The following CFAP44 variants were observed in gnomAD, a reference collection of about 807,000 sequenced individuals.
CFAP44 encodes cilia- and flagella-associated protein 44.
CFAP44 carries 134 observed loss-of-function variants against 216.2 expected under a neutral mutation model. The ratio of observed to expected loss-of-function variants is 0.62; its 90% CI spans 0.54 to 0.72. CFAP44 has a LOEUF of 0.72. CFAP44 is among the 30% of genes least tolerant of loss of function. CFAP44 has a pLI of 0.00. For missense variants in CFAP44, 2,035 were observed against 2,182.1 expected, an observed-to-expected ratio of 0.93 and a Z score of 1.34; for synonymous variants, 700 against 727.6, an observed-to-expected ratio of 0.96 and a Z score of 0.61.
At chr3:113,403,316 T>G (rs1290778673) in intron 9 of CFAP44, among the ~76,000 whole-genome samples, 2 of 152,200 alleles carry the variant, frequency 1.3e-5, no homozygotes, top group Non-Finnish European at 2.9e-5. Flanking sequence ...GGGACTTAGA[T>G]GCTGGAGCAA....
intron 24 of CFAP44, among the ~76,000 whole-genome samples, chr3:113,337,041 G>T (rs372475616): frequency 6.6e-6 from 1 of 150,758 alleles, no homozygotes; most frequent in Non-Finnish European, 1.5e-5. Context: ...CAAATGACAT[G>T]GTTGTCTACA....
chr3:113,390,400 A>G (rs761702093), intron 15 of CFAP44, among the ~76,000 whole-genome samples: 2 of 152,110 alleles, frequency 1.3e-5, no homozygotes, highest in Non-Finnish European at 2.9e-5. Context: ...ATACTGAATG[A>G]AGAAATACAG....
chr3:113,430,037 T>G (rs1424217760), intron 2 of CFAP44, among the ~76,000 whole-genome samples: 2 of 152,106 alleles, frequency 1.3e-5, no homozygotes, highest in Non-Finnish European at 2.9e-5. Flanking sequence ...CAAGCATACA[T>G]GGGTCATTTA....
chr3:113,392,530 T>C (rs1330703155), intron 15 of CFAP44, among the ~76,000 whole-genome samples: 5 of 152,172 alleles, frequency 3.3e-5, no homozygotes, highest in East Asian at 1.9e-4. Context: ...TAATAACTTA[T>C]TGCACATGTC....
chr3:113,416,741 T>C lies in CFAP44; in HGVS notation c.571-114A>G, dbSNP rs148494467. Reference sequence around the variant, plus strand: ...CATAATTTATTAGGCTTTACTCTAATAGAAAACTCAAAAATGGGCATCAGA... The same window carrying C: ...CATAATTTATTAGGCTTTACTCTAACAGAAAACTCAAAAATGGGCATCAGA... On this transcript the variant is annotated intron_variant, in intron 5 of 34. Coordinates refer to ENST00000393845, the MANE Select transcript of CFAP44 (RefSeq NM_001164496.2). The C allele has an allele frequency of 1.9e-4, 136 of 708,258 alleles. No homozygotes were observed. In the African/African-American group the frequency reaches 2.2e-3, roughly 12 times the overall value. 43.9% of individuals were successfully genotyped at this position (708,258 alleles called of 1,614,324 possible). A position where few individuals can be genotyped will look rare whatever the true frequency, so the allele number is the denominator to read the frequency against.
chr3:113,426,612 C>T lies in CFAP44; in HGVS notation c.254-335G>A, dbSNP rs552799026. ...CATGCAGAACTGTGAGTCAAGTAAA[C>T]CTCTTTCCTTTATAAATTACCCAGT... On this transcript the variant is annotated intron_variant, in intron 3 of 34. Transcript: ENST00000393845. 5 of 228,596 alleles carry T rather than the reference C, an allele frequency of 2.2e-5. 1 individual carries two copies. In the South Asian group the frequency reaches 3.5e-4, roughly 16 times the overall value. 14.2% of individuals were successfully genotyped at this position (228,596 alleles called of 1,614,324 possible).
At chr3:113,416,695 A>G (rs1397609251) in intron 5 of CFAP44, 68 bp from the exon 6 acceptor site, 2 of 1,129,728 alleles carry the variant, frequency 1.8e-6, no homozygotes, top group Non-Finnish European at 2.5e-6. Flanking sequence ...TGATTAATGC[A>G]GTATTTAGCA....
At position 113,327,639 on chromosome 3, in the gene CFAP44, C is replaced by T; in HGVS notation, c.4297G>A (p.Asp1433Asn). 4.6e-6 allele frequency: 7 copies of T among 1,536,880 alleles called. No individual in the cohort carries two copies. Among genetic ancestry groups the T allele is most frequent in the Non-Finnish European group, 6.1e-6 (7 of 1,146,616 alleles). Residue 1433 changes from aspartate to asparagine, a missense_variant, in exon 27 of 35, where the codon GAC becomes AAC. Asp to Asn is a conservative substitution (Grantham distance 23). Transcript: ENST00000393845. Reference sequence around the variant, plus strand: ...ACTTGCATGTACTGTTCCTCTTTGTCTAAGGAATTAACACGTTCTTGAAGT... The same window carrying T: ...ACTTGCATGTACTGTTCCTCTTTGTTTAAGGAATTAACACGTTCTTGAAGT... ...NILQERVNSLDKEEQYMQWKI... is the reference protein window; with the variant it reads ...NILQERVNSLNKEEQYMQWKI...
Position 113,326,477 on chromosome 3 carries a change from C to T in CFAP44, c.4484G>A (p.Arg1495Gln), listed in dbSNP as rs1186141920. Residue 1495 changes from arginine (R) to glutamine (Q), a missense_variant, in exon 28 of 35, where the codon CGG becomes CAG. Arg to Gln is a conservative substitution (Grantham distance 43, BLOSUM62 1). Coordinates refer to ENST00000393845, the MANE Select transcript of CFAP44 (RefSeq NM_001164496.2). ...LMKVLKKKIK[R>Q]VKKKEVEGDA... ...TCCTTCAACTTCTTTTTTCTTTACC[C>T]GTTTAATCTTCTTCTTTAGGACCTT... The T allele has an allele frequency of 2.6e-6, 4 of 1,510,758 alleles. No individual in the cohort carries two copies. Among genetic ancestry groups the T allele is most frequent in the Non-Finnish European group, 2.6e-6 (3 of 1,138,516 alleles). The allele number at this position is 1,510,758 out of a possible 1,614,324, so 93.6% of individuals were successfully genotyped here.
intron 21 of CFAP44, chr3:113,362,872 T>C (rs1950554484): frequency 8.5e-7 from 1 of 1,180,024 alleles, no homozygotes; most frequent in African/African-American, 1.6e-5. Flanking sequence ...ACTCTTGGGT[T>C]CTACTTTATT....
intron 25 of CFAP44, among the ~76,000 whole-genome samples, chr3:113,333,140 T>C (rs948599198): frequency 3.9e-5 from 6 of 152,188 alleles, no homozygotes; most frequent in African/African-American, 1.4e-4. Context: ...TACCCATCTA[T>C]AACCCCCAGA....
intron 26 of CFAP44, among the ~76,000 whole-genome samples, chr3:113,328,140 TCTC>T (rs1487810271): frequency 6.6e-6 from 1 of 151,778 alleles, no homozygotes; most frequent in East Asian, 1.9e-4. Flanking sequence ...TTTCTATCTG[TCTC>T]CTCTTTATTC....
At chr3:113,373,965 G>T (rs1933255662) in intron 17 of CFAP44, among the ~76,000 whole-genome samples, 1 of 152,044 alleles carries the variant, frequency 6.6e-6, no homozygotes, top group South Asian at 2.1e-4. Context: ...TCCAGAAAGG[G>T]CTATTTCAGA....
chr3:113,311,312 T>C (rs568860508), intron 28 of CFAP44, among the ~76,000 whole-genome samples: 1 of 152,334 alleles, frequency 6.6e-6, no homozygotes, highest in Admixed American at 6.5e-5. Context: ...TCATCTTGAA[T>C]TGTACTCCAA....
intron 13 of CFAP44, among the ~76,000 whole-genome samples, chr3:113,398,186 G>T (rs1206721322): frequency 1.3e-5 from 2 of 152,178 alleles, no homozygotes; most frequent in East Asian, 3.8e-4. Context: ...AGGCATGGTT[G>T]TCACCATGAA....
intron 22 of CFAP44, among the ~76,000 whole-genome samples, chr3:113,348,955 C>T (rs1950415520): frequency 6.6e-6 from 1 of 152,108 alleles, no homozygotes; most frequent in South Asian, 2.1e-4. Flanking sequence ...TTGGAGATAC[C>T]TGGTATCTTA....
chr3:113,390,157 T>C (rs1378621316), intron 15 of CFAP44, among the ~76,000 whole-genome samples: 1 of 152,174 alleles, frequency 6.6e-6, no homozygotes, highest in African/African-American at 2.4e-5. Context: ...CATGGCCAAG[T>C]GGGAATTATC....
At chr3:113,300,524 G>A (rs1445068275) in intron 32 of CFAP44, among the ~76,000 whole-genome samples, 1 of 149,778 alleles carries the variant, frequency 6.7e-6, no homozygotes, top group Non-Finnish European at 1.5e-5. Context: ...AATAAAAATT[G>A]AAAACAAATT....
chr3:113,333,708 G>T, intron 24 of CFAP44, 125 bp from the exon 25 acceptor site: 1 of 1,130,168 alleles, frequency 8.8e-7, no homozygotes, highest in Non-Finnish European at 1.2e-6. Flanking sequence ...AATCTGTGAT[G>T]CCACTTTTGT....
Sources: gnomAD v4.1 joint callset for allele counts (sites outside exome capture counted in the v4.1 genomes callset) on GRCh38, gnomAD v4.1.1 for gene constraint, MANE v1.5 for transcripts, NCBI Gene and HGNC (gene_info 2026-07-23, HGNC 2026-07-21) for gene names.